Variants in CPXM1 observed in about 807,000 individuals in gnomAD.
CPXM1 encodes probable carboxypeptidase X1.
CPXM1 carries 72 observed loss-of-function variants against 80.4 expected under a neutral mutation model. The ratio of observed to expected loss-of-function variants is 0.90; its 90% CI spans 0.74 to 1.09. The LOEUF (loss-of-function observed/expected upper bound fraction) is 1.09, where lower values mean the gene tolerates loss of function less well. Ranked by LOEUF, CPXM1 falls within the 50% of genes least tolerant of loss-of-function variation. CPXM1 has a pLI of 0.00. For synonymous variants in CPXM1, 403 were observed against 405.6 expected (o/e 0.99, Z 0.08); for missense variants, 892 against 999.4 (o/e 0.89, Z 1.45).
Position 2,796,870 on chromosome 20 carries a change from G to T in CPXM1, c.921+136C>A. Reference sequence around the variant, plus strand: ...TGGGATGGAGCTTAGGGGTCCACAGGAGAGAAGGCTGAGACATCAGGAGGC... The same window carrying T: ...TGGGATGGAGCTTAGGGGTCCACAGTAGAGAAGGCTGAGACATCAGGAGGC... On this transcript the variant is annotated intron_variant, in intron 7 of 13. Coordinates refer to ENST00000380605, the MANE Select transcript of CPXM1 (RefSeq NM_019609.5). This position sits in a 1 kb window ranked among gnomAD's most constrained non-coding sequence, Gnocchi z 6.8. 1.0e-6 allele frequency: 1 copy of T among 1,002,140 alleles called. No homozygotes were observed. Among genetic ancestry groups the T allele is most frequent in the Non-Finnish European group, 1.5e-6 (1 of 664,532 alleles). 62.1% of individuals were successfully genotyped at this position (1,002,140 alleles called of 1,614,324 possible).
At position 2,796,568 on chromosome 20, in the gene CPXM1, T is replaced by C. The variant is rs1474446839; in HGVS notation, c.1004A>G (p.Tyr335Cys). 1.9e-6 allele frequency: 3 copies of C among 1,614,140 alleles called. No homozygotes were observed. The Admixed American group carries it at 5.0e-5, about 27-fold the overall frequency. Residue 335 changes from tyrosine to cysteine, a missense_variant, in exon 8 of 14, where the codon TAT becomes TGT. Tyr to Cys is a radical substitution (Grantham distance 194). Coordinates refer to ENST00000380605, the MANE Select transcript of CPXM1 (RefSeq NM_019609.5). This position sits in a 1 kb window ranked among gnomAD's most constrained non-coding sequence, Gnocchi z 6.8. The part of the protein sequence containing the change: ...IGKSYQGLKL[Y>C]VMEMSDKPGE... Reference sequence around the variant, plus strand: ...AGGCTTGTCCGACATTTCCATCACATACAGCTTCAGGCCCTGGTAGCTCTT... The same window carrying C: ...AGGCTTGTCCGACATTTCCATCACACACAGCTTCAGGCCCTGGTAGCTCTT...
chr20:2,795,752 T>A lies in CPXM1; in HGVS notation c.1567A>T (p.Thr523Ser). The change falls in exon 11 of 14, where the codon ACA (threonine) becomes TCA (serine). Residue 523 changes from threonine to serine, a missense_variant. By Grantham distance (58) the Thr-to-Ser change is moderately conservative (BLOSUM62 1). Around this residue, in one of 2 missense-constraint regions of CPXM1, gnomAD observed 874 missense variants for 958.4 expected, o/e 0.91. Transcript: ENST00000380605. This position sits in a 1 kb window ranked among gnomAD's most constrained non-coding sequence, Gnocchi z 5.4. ...CAGCGAAACACAGCATCATCTGGTG[T>A]GGGCGTGAGCTCGCGGGCAGCCCAC... is the stretch of plus-strand genomic sequence containing the variant. ...TPWAARELTP[T>S]PDDAVFRWLS... 6 of 1,613,754 alleles carry A rather than the reference T, an allele frequency of 3.7e-6. No homozygotes were observed. The highest frequency in any genetic ancestry group is 5.1e-6 in the Non-Finnish European group (6 of 1,180,012).
chr20:2,800,414 C>T lies in CPXM1; in HGVS notation c.159G>A (p.Ala53=), dbSNP rs1326148746. Residue 53 remains alanine (A), a synonymous_variant, in exon 1 of 14, where the codon GCG becomes GCA. Transcript: ENST00000380605. Reference sequence around the variant, plus strand: ...CGGGGAACTCACCGTTAGCTGTCTCCGCCGGCGGCTGTGCCGGGCTGCTAT... The same window carrying T: ...CGGGGAACTCACCGTTAGCTGTCTCTGCCGGCGGCTGTGCCGGGCTGCTAT... ...ALHSSPAQPP[A]ETANGTSEQH... 1.5e-5 allele frequency: 23 copies of T among 1,530,306 alleles called. No homozygotes were observed. Among genetic ancestry groups the T allele is most frequent in the Non-Finnish European group, 2.0e-5 (23 of 1,146,654 alleles). 94.8% of individuals were successfully genotyped at this position (1,530,306 alleles called of 1,614,324 possible).
In CPXM1 at chr20:2,797,182, G is replaced by C; in HGVS notation, c.832+10C>G. The C allele has an allele frequency of 1.3e-6, 2 of 1,596,974 alleles. No individual in the cohort carries two copies. Among genetic ancestry groups the C allele is most frequent in the Non-Finnish European group, 1.7e-6 (2 of 1,168,840 alleles). ...AGCCCTGCCCAACCAACCCTGGCCT[G>C]ACTGCCCACCTGAGACTGGGCAGGC... On this transcript the variant is annotated intron_variant, in intron 6 of 13. Transcript: ENST00000380605.
chr20:2,796,920 C>T lies in CPXM1; in HGVS notation c.921+86G>A. ...CAGCAGGGGCATACAAGCGCAGTCA[C>T]AGCAGGTTGTGCCCCGGTGGGAAGG... On this transcript the variant is annotated intron_variant, in intron 7 of 13. Coordinates refer to ENST00000380605, the MANE Select transcript of CPXM1 (RefSeq NM_019609.5). This position sits in a 1 kb window ranked among gnomAD's most constrained non-coding sequence, Gnocchi z 6.8. The T allele has an allele frequency of 6.2e-6, 8 of 1,291,944 alleles. No homozygotes were observed. In the South Asian group the frequency reaches 8.6e-5, roughly 14 times the overall value. The allele number at this position is 1,291,944 out of a possible 1,614,324, so 80.0% of individuals were successfully genotyped here.
Position 2,796,767 on chromosome 20 carries a change from C to T in CPXM1, c.922-117G>A. On this transcript the variant is annotated intron_variant, in intron 7 of 13. Transcript: ENST00000380605. This position sits in a 1 kb window ranked among gnomAD's most constrained non-coding sequence, Gnocchi z 6.8. ...GATGGCCCACACAGAGGGGGCATCC[C>T]ATCATGGTACAGGAGGGGAGCGGCA... The T allele has an allele frequency of 7.1e-7, 1 of 1,418,066 alleles. No homozygotes were observed. The highest frequency in any genetic ancestry group is 9.6e-7 in the Non-Finnish European group (1 of 1,041,616). 87.8% of individuals were successfully genotyped at this position (1,418,066 alleles called of 1,614,324 possible). A position where few individuals can be genotyped will look rare whatever the true frequency, so the allele number is the denominator to read the frequency against.
Position 2,794,300 on chromosome 20 carries a change from CG to C in CPXM1, c.2094del (p.Phe698LeufsTer32). ...TFEEGPFPCN[F>X]VLTKTPKQRL... ...CTCTGTTTGGGAGTCTTGGTGAGCA[CG>C]AAATTGCAGGGGAAGGGGCCCTCTT... On this transcript the variant is annotated frameshift_variant, in exon 14 of 14. Transcript: ENST00000380605. LOFTEE classifies it high-confidence loss of function. The surrounding 1 kb of genome is among the most constrained non-coding windows in gnomAD (Gnocchi z 5.2). 1.9e-6 allele frequency: 3 copies of C among 1,614,148 alleles called. No individual in the cohort carries two copies. The highest frequency in any genetic ancestry group is 2.5e-6 in the Non-Finnish European group (3 of 1,180,040).
In CPXM1 at chr20:2,794,314, A is replaced by C; in HGVS notation, c.2081T>G (p.Phe694Cys). 6.2e-7 allele frequency: 1 copy of C among 1,614,088 alleles called. No individual in the cohort carries two copies. Among genetic ancestry groups the C allele is most frequent in the Non-Finnish European group, 8.5e-7 (1 of 1,180,028 alleles). ...CTTGGTGAGCACGAAATTGCAGGGG[A>C]AGGGGCCCTCTTCAAAGGTGACCCG... Reference protein sequence around the residue: ...NCRVTFEEGPFPCNFVLTKTP... With the variant: ...NCRVTFEEGPCPCNFVLTKTP... The change falls in exon 14 of 14, where the codon TTC becomes TGC. Residue 694 changes from phenylalanine (F) to cysteine (C), a missense_variant. Phe to Cys is a radical substitution (Grantham distance 205). Around this residue, in one of 2 missense-constraint regions of CPXM1, gnomAD observed 874 missense variants for 958.4 expected, o/e 0.91. Transcript: ENST00000380605. The surrounding 1 kb of genome is among the most constrained non-coding windows in gnomAD (Gnocchi z 5.2).
Position 2,795,335 on chromosome 20 carries a change from T to C in CPXM1, c.1802A>G (p.Asn601Ser). 6.2e-7 allele frequency: 1 copy of C among 1,614,150 alleles called. No individual in the cohort carries two copies. Among genetic ancestry groups the C allele is most frequent in the Middle Eastern group, 1.7e-4 (1 of 6,050 alleles). Residue 601 changes from asparagine (N) to serine (S), a missense_variant, in exon 12 of 14, where the codon AAT becomes AGT. Transcript: ENST00000380605. The surrounding 1 kb of genome is among the most constrained non-coding windows in gnomAD (Gnocchi z 5.4). ...ELSCDKFPHE[N>S]ELPQEWENNK... ...GTTCTCCCACTCCTGGGGCAATTCA[T>C]TCTCGTGAGGGAACTTGTCACAGGA...
In CPXM1 at chr20:2,798,840, T is replaced by C. The variant is rs201609222; in HGVS notation, c.226A>G (p.Met76Val). 26 of 1,614,112 alleles carry C rather than the reference T, an allele frequency of 1.6e-5. No individual in the cohort carries two copies. Among genetic ancestry groups the C allele is most frequent in the Non-Finnish European group, 2.2e-5 (26 of 1,180,002 alleles). ...AGAGTTAGCTTCTTCCGCTTCTTCA[T>C]AATGACCTTTTTCTTCTTGATGACT... The part of the protein sequence containing the change: ...IRVIKKKKVI[M>V]KKRKKLTLTR... Residue 76 changes from methionine to valine, a missense_variant, in exon 2 of 14, where the codon ATG becomes GTG. Met to Val is a conservative substitution (Grantham distance 21). Coordinates refer to ENST00000380605, the MANE Select transcript of CPXM1 (RefSeq NM_019609.5).
At position 2,798,798 on chromosome 20, in the gene CPXM1, GT is replaced by G; in HGVS notation, c.267del (p.Leu90TrpfsTer2). 1 of 1,614,090 alleles carries G rather than the reference GT, an allele frequency of 6.2e-7. No homozygotes were observed. The highest frequency in any genetic ancestry group is 2.2e-5 in the East Asian group (1 of 44,892). ...GTCACAAGGGGCCCGGCAGTCACCA[GT>G]GGGGTGGGGCGAGTTAGAGTTAGCT... is the stretch of plus-strand genomic sequence containing the variant. ...RKKLTLTRPT[P>X]LVTAGPLVTP... On this transcript the variant is annotated frameshift_variant, in exon 2 of 14. Coordinates refer to ENST00000380605, the MANE Select transcript of CPXM1 (RefSeq NM_019609.5). LOFTEE classifies it high-confidence loss of function.
rs1051461384 is a variant in CPXM1 at position 2,798,955 on chromosome 20, G to A, written c.173-62C>T. ...GAATGGTGAAACCCCGGATGGAAAGGTCTGCCAGCCCAAGAAGACATGTGA... is the reference window on the plus strand; with the variant it reads ...GAATGGTGAAACCCCGGATGGAAAGATCTGCCAGCCCAAGAAGACATGTGA... On this transcript the variant is annotated intron_variant, in intron 1 of 13. Coordinates refer to ENST00000380605, the MANE Select transcript of CPXM1 (RefSeq NM_019609.5). 1.2e-5 allele frequency: 19 copies of A among 1,542,326 alleles called. No homozygotes were observed. The Middle Eastern group carries it at 5.9e-4, about 48-fold the overall frequency.
chr20:2,800,385 C>T lies in CPXM1; in HGVS notation c.172+16G>A. 2.0e-6 allele frequency: 3 copies of T among 1,505,266 alleles called. No individual in the cohort carries two copies. Among genetic ancestry groups the T allele is most frequent in the Admixed American group, 2.2e-5 (1 of 44,688 alleles). 93.2% of individuals were successfully genotyped at this position (1,505,266 alleles called of 1,614,324 possible). ...GTCGGCTTGCGGGGGAGCGGACCGT[C>T]GGTCGGGGAACTCACCGTTAGCTGT... On this transcript the variant is annotated intron_variant, in intron 1 of 13. Transcript: ENST00000380605.
intron 1 of CPXM1, 84 bp from the exon 2 acceptor site, chr20:2,798,977 G>A (rs2088540449): frequency 7.1e-7 from 1 of 1,413,124 alleles, no homozygotes; most frequent in African/African-American, 1.4e-5. Flanking sequence ...AAGAAGACAT[G>A]TGAGCCCACA....
At position 2,795,867 on chromosome 20, in the gene CPXM1, C is replaced by A. The variant is rs779889342; in HGVS notation, c.1452G>T (p.Lys484Asn). 6.2e-7 allele frequency: 1 copy of A among 1,611,654 alleles called. No individual in the cohort carries two copies. The highest frequency in any genetic ancestry group is 8.5e-7 in the Non-Finnish European group (1 of 1,178,898). The change falls in exon 11 of 14, where the codon AAG becomes AAT. Residue 484 changes from lysine (K) to asparagine (N), a missense_variant. Physicochemically the swap from Lys to Asn is moderately conservative, Grantham distance 94 (BLOSUM62 0). Transcript: ENST00000380605. This position sits in a 1 kb window ranked among gnomAD's most constrained non-coding sequence, Gnocchi z 5.4. ...GCACAAAGGGGATCCGCTTCATCCA[C>A]TTGATTACTGCCCGCGTTTCAGGAG... Reference protein sequence around the residue: ...TVAPETRAVIKWMKRIPFVLS... With the variant: ...TVAPETRAVINWMKRIPFVLS...
chr20:2,797,300 G>A lies in CPXM1; in HGVS notation c.724C>T (p.Leu242Phe). ...CGGGCCACCTGGGGCTCCGGCAGGAGGTTCAGCACTGGAGTTTCTGGGTCT... is the reference window on the plus strand; with the variant it reads ...CGGGCCACCTGGGGCTCCGGCAGGAAGTTCAGCACTGGAGTTTCTGGGTCT... ...NSDPETPVLNLLPEPQVARFI... is the reference protein window; with the variant it reads ...NSDPETPVLNFLPEPQVARFI... Residue 242 changes from leucine (L) to phenylalanine (F), a missense_variant, in exon 6 of 14, where the codon CTC becomes TTC. Transcript: ENST00000380605. 1 of 1,559,372 alleles carries A rather than the reference G, an allele frequency of 6.4e-7. No homozygotes were observed. Among genetic ancestry groups the A allele is most frequent in the South Asian group, 1.2e-5 (1 of 85,202 alleles).
chr20:2,799,880 C>T lies in CPXM1; in HGVS notation c.172+521G>A, dbSNP rs1600269829. On this transcript the variant is annotated intron_variant, in intron 1 of 13. Transcript: ENST00000380605. Reference sequence around the variant, plus strand: ...CTCTCCTACGCAGTCTTGCTCTGCACCTTGAGAGCTTCTGCCCCTCTGTCT... The same window carrying T: ...CTCTCCTACGCAGTCTTGCTCTGCATCTTGAGAGCTTCTGCCCCTCTGTCT... Among the ~76,000 whole-genome samples, 5 of 152,354 alleles carry T rather than the reference C, an allele frequency of 3.3e-5. No individual in the cohort carries two copies. The Middle Eastern group carries it at 0.017, about 518-fold the overall frequency.
Position 2,796,225 on chromosome 20 carries a change from G to C in CPXM1, c.1242+22C>G. On this transcript the variant is annotated intron_variant, in intron 9 of 13. Coordinates refer to ENST00000380605, the MANE Select transcript of CPXM1 (RefSeq NM_019609.5). The surrounding 1 kb of genome is among the most constrained non-coding windows in gnomAD (Gnocchi z 6.8). ...GCCACCAGGGCAGAAGGACAGAGTG[G>C]CCCTCATGCTGGGTGGCCTACCCGG... The C allele has an allele frequency of 6.2e-7, 1 of 1,611,834 alleles. No homozygotes were observed. The highest frequency in any genetic ancestry group is 8.5e-7 in the Non-Finnish European group (1 of 1,178,596).
Position 2,796,302 on chromosome 20 carries a change from C to A in CPXM1, c.1187G>T (p.Arg396Leu), listed in dbSNP as rs375789930. The A allele has an allele frequency of 4.3e-6, 7 of 1,613,878 alleles. No homozygotes were observed. Among genetic ancestry groups the A allele is most frequent in the Non-Finnish European group, 5.1e-6 (6 of 1,179,984 alleles). ...PRVTRLLSEM[R>L]IHLLPSMNPD... is the part of the protein sequence containing the mutation. ...GTTCATGGAGGGCAGCAGGTGAATG[C>A]GCATCTCAGAGAGCAGCCGGGTCAC... is the stretch of plus-strand genomic sequence containing the variant. Residue 396 changes from arginine (R) to leucine (L), a missense_variant, in exon 9 of 14, where the codon CGC becomes CTC. Transcript: ENST00000380605. The surrounding 1 kb of genome is among the most constrained non-coding windows in gnomAD (Gnocchi z 6.8).
Sources: allele counts gnomAD v4.1 joint callset (sites outside exome capture counted in the v4.1 genomes callset), GRCh38; gene constraint gnomAD v4.1.1; regional missense constraint gnomAD v4.1.1; non-coding constraint Gnocchi (gnomAD v3.1); transcripts MANE v1.5; gene names NCBI Gene and HGNC (gene_info 2026-07-23, HGNC 2026-07-21).